UBE3B: variants seen among roughly 807,000 people sequenced by gnomAD.
UBE3B encodes ubiquitin-protein ligase E3B.
In UBE3B, 80 loss-of-function variants were observed where a neutral mutation model predicts 132.3. That is an observed-to-expected ratio of 0.60 (90% CI 0.50 to 0.73). UBE3B has a LOEUF of 0.73. Ranked by LOEUF, UBE3B falls within the 30% of genes least tolerant of loss-of-function variation. The pLI, the probability that UBE3B is intolerant of heterozygous loss-of-function variation, is 0.00. For synonymous variants in UBE3B, 487 were observed against 520.4 expected, an observed-to-expected ratio of 0.94 and a Z score of 0.87; for missense variants, 1,196 against 1,362.5, an observed-to-expected ratio of 0.88 and a Z score of 1.92.
rs544999962 is a variant in UBE3B, at chr12:109,521,065, G to T, written c.2077-83G>T. On this transcript the variant is annotated intron_variant, in intron 19 of 27. Coordinates refer to ENST00000342494, the MANE Select transcript of UBE3B (RefSeq NM_130466.4). This position sits in a 1 kb window ranked among gnomAD's most constrained non-coding sequence, Gnocchi z 4.2. The stretch of plus-strand genomic sequence containing the variant: ...CACATTTGGTAATGATGCTGGGAGA[G>T]CTTCGCACAGAGGAGAGGGAACCCC... 3 of 1,509,312 alleles carry T rather than the reference G, an allele frequency of 2.0e-6. No homozygotes were observed. In the South Asian group the frequency reaches 3.7e-5, roughly 18 times the overall value. The allele number at this position is 1,509,312 out of a possible 1,614,324, so 93.5% of individuals were successfully genotyped here. A position where few individuals can be genotyped will look rare whatever the true frequency, so the allele number is the denominator to read the frequency against.
intron 18 of UBE3B, among the ~76,000 whole-genome samples, chr12:109,515,551 T>C (rs1299402202): frequency 1.3e-5 from 2 of 152,098 alleles, no homozygotes; most frequent in African/African-American, 4.8e-5. Context: ...ATATTTTTAG[T>C]AGAGTTGGGG....
chr12:109,496,456 T>G (rs1387284852), intron 9 of UBE3B, among the ~76,000 whole-genome samples: 1 of 152,224 alleles, frequency 6.6e-6, no homozygotes, highest in Non-Finnish European at 1.5e-5. Flanking sequence ...TTTGAAGAAT[T>G]GCCAAATTAT....
At chr12:109,517,148 C>T (rs1257931070) in intron 19 of UBE3B, among the ~76,000 whole-genome samples, 1 of 152,170 alleles carries the variant, frequency 6.6e-6, no homozygotes, top group East Asian at 1.9e-4. Context: ...GCATCCACCT[C>T]TTCATGTCCC....
chr12:109,513,582 A>G (rs1307733473), intron 18 of UBE3B, among the ~76,000 whole-genome samples: 2 of 152,246 alleles, frequency 1.3e-5, no homozygotes, highest in Non-Finnish European at 2.9e-5. Flanking sequence ...TAGGAGTACC[A>G]TGAAAAAAGT....
At chr12:109,480,841 A>C (rs764646552) in intron 1 of UBE3B, among the ~76,000 whole-genome samples, 8 of 152,142 alleles carry the variant, frequency 5.3e-5, no homozygotes, top group Non-Finnish European at 1.0e-4. Context: ...CAGTACCTCA[A>C]AACAGCCACT....
downstream of UBE3B, among the ~76,000 whole-genome samples, chr12:109,538,617 T>C (rs1354717212): frequency 6.6e-6 from 1 of 152,212 alleles, no homozygotes; most frequent in Non-Finnish European, 1.5e-5. The surrounding 1 kb of genome is among the most constrained non-coding windows in gnomAD (Gnocchi z 4.1). Flanking sequence ...CCTTTCACTT[T>C]AAGAAAACAG....
chr12:109,480,650 T>TA (rs35317381), intron 1 of UBE3B, among the ~76,000 whole-genome samples: 25,199 of 142,372 alleles, frequency 0.18, 2,170 homozygotes, highest in African/African-American at 0.19. Context: ...GACCCTGCCT[T>TA]AAAAAAAAAA....
chr12:109,520,743 ATTT>A (rs35964882), intron 19 of UBE3B: 7,459 of 148,642 alleles, frequency 0.05, 225 homozygotes, highest in Non-Finnish European at 0.069. Context: ...TGTAGGTTTG[ATTT>A]TTTTTTTTTT....
At position 109,481,702 on chromosome 12, in the gene UBE3B, A is replaced by G. The variant is rs1875466300; in HGVS notation, c.-62A>G. On this transcript the variant is annotated 5_prime_UTR_variant, in exon 2 of 28. Coordinates refer to ENST00000342494, the MANE Select transcript of UBE3B (RefSeq NM_130466.4). ...GCCACGAGTCCTGTGCAAGATCACTAATGATTACCTGGCATTTCTGCGACA... is the reference window on the plus strand; with the variant it reads ...GCCACGAGTCCTGTGCAAGATCACTGATGATTACCTGGCATTTCTGCGACA... 6.6e-6 allele frequency: 1 copy of G among 152,232 alleles called. No homozygotes were observed. The highest frequency in any genetic ancestry group is 1.5e-5 in the Non-Finnish European group (1 of 68,044). 9.4% of individuals were successfully genotyped at this position (152,232 alleles called of 1,614,324 possible). A position where few individuals can be genotyped will look rare whatever the true frequency, so the allele number is the denominator to read the frequency against.
rs192868868 is a variant in UBE3B, at chr12:109,533,823, C to T, written c.3015+265C>T. 5.3e-5 allele frequency: 51 copies of T among 967,982 alleles called. No individual in the cohort carries two copies. In the African/African-American group the frequency reaches 5.8e-4, roughly 11 times the overall value. 60.0% of individuals were successfully genotyped at this position (967,982 alleles called of 1,614,324 possible). ...AGGGTACCTGGAGTGGGGGTGGGTA[C>T]GTGCTGTTTTTAGTGGCGTCTGGCC... On this transcript the variant is annotated intron_variant, in intron 27 of 27. Transcript: ENST00000342494.
intron 23 of UBE3B, 149 bp downstream of exon 23, chr12:109,524,652 T>G (rs1882113174): frequency 1.2e-6 from 1 of 831,946 alleles, no homozygotes; most frequent in East Asian, 2.7e-5. Flanking sequence ...CCTCCTCCCC[T>G]CTTGCCAGGA....
At chr12:109,492,829 T>G (rs560316646) in intron 9 of UBE3B, 42 of 152,326 alleles carry the variant, frequency 2.8e-4, no homozygotes, top group Admixed American at 2.2e-3. Flanking sequence ...TATTTTTACA[T>G]GTAATCAATA....
intron 2 of UBE3B, among the ~76,000 whole-genome samples, chr12:109,483,206 G>C (rs1875779131): frequency 6.6e-6 from 1 of 152,190 alleles, no homozygotes; most frequent in African/African-American, 2.4e-5. Flanking sequence ...TTGAATTAGA[G>C]CTTTATGGGT....
intron 14 of UBE3B, among the ~76,000 whole-genome samples, chr12:109,504,866 G>A (rs1004986222): frequency 1.3e-5 from 2 of 151,162 alleles, no homozygotes; most frequent in African/African-American, 2.4e-5. Context: ...GTGCAGTAGC[G>A]CAATCTCGGC....
chr12:109,518,890 C>T (rs564359213), intron 19 of UBE3B, among the ~76,000 whole-genome samples: 2 of 152,234 alleles, frequency 1.3e-5, no homozygotes, highest in African/African-American at 4.8e-5. Context: ...AATCTGGTGG[C>T]TTGGTTATTA....
In UBE3B at chr12:109,491,085, T is replaced by C. The variant is rs1337254203; in HGVS notation, c.671T>C (p.Leu224Pro). The C allele has an allele frequency of 6.2e-7, 1 of 1,614,138 alleles. No homozygotes were observed. Among genetic ancestry groups the C allele is most frequent in the Admixed American group, 1.7e-5 (1 of 60,024 alleles). The change falls in exon 9 of 28, where the codon CTA becomes CCA. Residue 224 changes from leucine to proline, a missense_variant. Physicochemically the swap from Leu to Pro is moderately conservative, Grantham distance 98 (BLOSUM62 -3). Coordinates refer to ENST00000342494, the MANE Select transcript of UBE3B (RefSeq NM_130466.4). ...TRGLARPRPC[L>P]SKGTLTAAFS... ...GGCCTGGCAAGACCCCGTCCTTGTCTATCCAAAGGCACTTTAACAGCAGCT... is the reference window on the plus strand; with the variant it reads ...GGCCTGGCAAGACCCCGTCCTTGTCCATCCAAAGGCACTTTAACAGCAGCT...
intron 18 of UBE3B, among the ~76,000 whole-genome samples, chr12:109,515,432 C>T (rs1020833918): frequency 3.9e-5 from 6 of 151,960 alleles, no homozygotes; most frequent in South Asian, 2.1e-4. Context: ...TGTGATGGTA[C>T]GATCTTGGCT....
At chr12:109,543,538 C>CT in the UBE3B span, among the ~76,000 whole-genome samples, 4 of 152,220 alleles carry the variant, frequency 2.6e-5, no homozygotes, top group Admixed American at 1.3e-4. Flanking sequence ...AGGAGCCACA[C>CT]TTTAAGAAGG....
At position 109,509,622 on chromosome 12, in the gene UBE3B, A is replaced by G; in HGVS notation, c.1649A>G (p.Glu550Gly). 6.2e-7 allele frequency: 1 copy of G among 1,608,364 alleles called. No homozygotes were observed. The highest frequency in any genetic ancestry group is 8.5e-7 in the Non-Finnish European group (1 of 1,178,638). ...ATCCTTGATGACATTGAAGTTTATG[A>G]AGAACAGATTTCATTCAAACTGGAA... ...ITILDDIEVY[E>G]EQISFKLEEL... is the part of the protein sequence containing the mutation. The change falls in exon 16 of 28, where the codon GAA (glutamate) becomes GGA (glycine). Residue 550 changes from glutamate (E) to glycine (G), a missense_variant. Transcript: ENST00000342494.
Sources: allele counts gnomAD v4.1 joint callset (sites outside exome capture counted in the v4.1 genomes callset), GRCh38; gene constraint gnomAD v4.1.1; non-coding constraint Gnocchi (gnomAD v3.1); transcripts MANE v1.5; gene names NCBI Gene and HGNC (gene_info 2026-07-23, HGNC 2026-07-21).